The following SWI5 variants were observed in gnomAD, a reference collection of about 807,000 sequenced individuals.
The protein encoded by SWI5 is SWI5 homologous recombination repair protein, also known as DNA repair protein SWI5 homolog.
A neutral mutation model predicts 17.0 loss-of-function variants in SWI5; 12 were observed. That is an observed-to-expected ratio of 0.71 (90% confidence interval 0.45 to 1.14). The LOEUF is 1.14. Ranked by LOEUF, SWI5 falls within the 50% of genes most tolerant of loss-of-function variation. The pLI is 0.00. For synonymous variants in SWI5, 61 were observed against 64.0 expected, an observed-to-expected ratio of 0.95 and a Z score of 0.22; for missense variants, 158 against 162.2, an observed-to-expected ratio of 0.97 and a Z score of 0.14.
intron 2 of SWI5, 125 bp from the exon 3 acceptor site, chr9:128,284,385 A>C (rs565451848): frequency 9.2e-7 from 1 of 1,082,134 alleles, no homozygotes; most frequent in Non-Finnish European, 1.3e-6. Flanking sequence ...TTGGAAATGC[A>C]GTCTTATTGA....
At chr9:128,284,572 T>C (rs775717116) in exon 3 of SWI5, 1 of 1,613,978 alleles carries the variant, frequency 6.2e-7, no homozygotes, top group Admixed American at 1.7e-5. Context: ...ACCTTGACAT[T>C]CAGAAACTGA....
intron 2 of SWI5, among the ~76,000 whole-genome samples, chr9:128,278,470 G>A (rs1312316414): frequency 1.3e-5 from 2 of 151,912 alleles, no homozygotes; most frequent in Non-Finnish European, 2.9e-5. Context: ...GGGAGACTGA[G>A]GCAGGAGAAT....
At chr9:128,288,603 C>T in intron 4 of SWI5, 49 bp from the exon 5 acceptor site, 2 of 1,604,234 alleles carry the variant, frequency 1.2e-6, no homozygotes, top group Middle Eastern at 1.7e-4. Context: ...GGCTGTACTC[C>T]CTCCCACCTC....
chr9:128,278,880 C>G (rs1334946162), intron 2 of SWI5, among the ~76,000 whole-genome samples: 1 of 151,996 alleles, frequency 6.6e-6, no homozygotes, highest in Non-Finnish European at 1.5e-5. Flanking sequence ...TCAAGTGATT[C>G]TCCAGCCTCA....
upstream of SWI5, chr9:128,276,048 C>T (rs1252032781): frequency 2.5e-6 from 4 of 1,586,950 alleles, no homozygotes; most frequent in Admixed American, 3.7e-5. Context: ...CCAGAGGAGG[C>T]GTAACCAGGG....
At position 128,286,139 on chromosome 9, in the gene SWI5, C is replaced by T; in HGVS notation, c.328+106C>T. ...GCCTCCCAGCTTGCCAACCGTCACACCCTCAGCAGTTGGCCTGCTCCTAGG... is the reference window on the plus strand; with the variant it reads ...GCCTCCCAGCTTGCCAACCGTCACATCCTCAGCAGTTGGCCTGCTCCTAGG... On this transcript the variant is annotated intron_variant, in intron 4 of 4. Coordinates refer to ENST00000418976, the Ensembl canonical transcript of SWI5. 5.0e-6 allele frequency: 4 copies of T among 793,010 alleles called. No homozygotes were observed. In the South Asian group the frequency reaches 6.4e-5, roughly 13 times the overall value. 49.1% of individuals were successfully genotyped at this position (793,010 alleles called of 1,614,324 possible). A position where few individuals can be genotyped will look rare whatever the true frequency, so the allele number is the denominator to read the frequency against.
chr9:128,284,582 AAGG>A (rs1831601297), exon 3 of SWI5: 1 of 1,613,864 alleles, frequency 6.2e-7, no homozygotes, highest in Non-Finnish European at 8.5e-7. Context: ...TCAGAAACTG[AAGG>A]AGAAGAGGGA....
At chr9:128,275,595 A>G, upstream of SWI5, 1 of 967,824 alleles carries the variant, frequency 1.0e-6, no homozygotes, top group Non-Finnish European at 1.4e-6. Context: ...GTCCTTGGAG[A>G]CGCCAGCCCA....
At chr9:128,284,014 G>A (rs1022698127) in intron 2 of SWI5, among the ~76,000 whole-genome samples, 4 of 151,764 alleles carry the variant, frequency 2.6e-5, no homozygotes, top group Non-Finnish European at 4.4e-5. Context: ...GTTGTGGGGT[G>A]GGGCTAGGCA....
chr9:128,277,476 C>T (rs1290663789), intron 2 of SWI5, among the ~76,000 whole-genome samples: 1 of 152,192 alleles, frequency 6.6e-6, no homozygotes, highest in Non-Finnish European at 1.5e-5. Context: ...ATTGCTTGAA[C>T]CCGGAAGGTG....
Position 128,285,144 on chromosome 9 carries a change from C to A in SWI5, c.233+513C>A, listed in dbSNP as rs1414389558. Among the ~76,000 whole-genome samples the A allele has an allele frequency of 6.7e-6, 1 of 149,808 alleles. No individual in the cohort carries two copies. The highest frequency in any genetic ancestry group is 2.5e-5 in the African/African-American group (1 of 40,556). ...ATCGCGCCACTGCACTCCAGCCTGG[C>A]TACAGAGCGAGACTTGGTAAAGAAA... On this transcript the variant is annotated intron_variant, in intron 3 of 4. Transcript: ENST00000418976. The surrounding 1 kb of genome is among the most constrained non-coding windows in gnomAD (Gnocchi z 4.8).
upstream of SWI5, chr9:128,275,482 T>C: frequency 7.7e-7 from 1 of 1,301,898 alleles, no homozygotes; most frequent in Non-Finnish European, 9.8e-7. Flanking sequence ...GAGGTCCGGT[T>C]TGGGGCGGCA....
At chr9:128,276,399 G>C in exon 1 of SWI5, 1 of 1,612,638 alleles carries the variant, frequency 6.2e-7, no homozygotes, top group Non-Finnish European at 8.5e-7. Context: ...CCAGGGCTCA[G>C]GAGGTGGGCG....
intron 1 of SWI5, 150 bp downstream of exon 1, chr9:128,276,552 C>A (rs1187629539): frequency 4.4e-6 from 7 of 1,586,344 alleles, no homozygotes; most frequent in African/African-American, 2.7e-5. Flanking sequence ...AGGGTCTCTA[C>A]CCTGATCCTG....
At chr9:128,275,526 C>A, upstream of SWI5, 1 of 1,291,916 alleles carries the variant, frequency 7.7e-7, no homozygotes, top group South Asian at 2.7e-5. Flanking sequence ...CGGGGGGCCC[C>A]GGGAGTCACG....
intron 2 of SWI5, among the ~76,000 whole-genome samples, chr9:128,279,417 G>A (rs1367386447): frequency 6.6e-6 from 1 of 152,170 alleles, no homozygotes; most frequent in Admixed American, 6.5e-5. Context: ...CAAAACAAGG[G>A]GGGCAGGGTA....
In SWI5 at chr9:128,285,783, G is replaced by A. The variant is rs901360015; in HGVS notation, c.234-156G>A. The stretch of plus-strand genomic sequence containing the variant: ...GGGAAGATCCCCTGCCCTGCTGTAA[G>A]CTTCATGAGGGCAGGGCCTATCTTG... On this transcript the variant is annotated intron_variant, in intron 3 of 4. Coordinates refer to ENST00000418976, the Ensembl canonical transcript of SWI5. The surrounding 1 kb of genome is among the most constrained non-coding windows in gnomAD (Gnocchi z 4.8). Among the ~76,000 whole-genome samples the A allele has an allele frequency of 1.3e-5, 2 of 152,152 alleles. No individual in the cohort carries two copies. Among genetic ancestry groups the A allele is most frequent in the Non-Finnish European group, 2.9e-5 (2 of 68,034 alleles).
intron 2 of SWI5, among the ~76,000 whole-genome samples, chr9:128,280,873 A>G (rs1002469342): frequency 6.6e-6 from 1 of 152,054 alleles, no homozygotes; most frequent in African/African-American, 2.4e-5. Context: ...ACACGTGGAA[A>G]CCACTTTCAT....
upstream of SWI5, chr9:128,276,147 T>C (rs770882336): frequency 5.1e-6 from 8 of 1,567,282 alleles, no homozygotes; most frequent in Non-Finnish European, 5.2e-6. Context: ...GGCGTGGCTA[T>C]GCAGCGGCGT....
Sources: gnomAD v4.1 joint callset for allele counts (sites outside exome capture counted in the v4.1 genomes callset) on GRCh38, gnomAD v4.1.1 for gene constraint, Gnocchi (gnomAD v3.1) non-coding constraint, MANE v1.5 for transcripts, NCBI Gene and HGNC (gene_info 2026-07-23, HGNC 2026-07-21) for gene names.